The following CNTNAP2 variants were observed in gnomAD, a reference collection of about 807,000 sequenced individuals.
The protein encoded by CNTNAP2 is contactin associated protein 2.
A neutral mutation model predicts 155.2 loss-of-function variants in CNTNAP2; 98 were observed. The observed-to-expected ratio is 0.63, with a 90% CI of 0.54 to 0.75. CNTNAP2 has a LOEUF of 0.75. Ranked by LOEUF, CNTNAP2 falls within the 30% of genes least tolerant of loss-of-function variation. The pLI, the probability that CNTNAP2 is intolerant of heterozygous loss-of-function variation, is 0.00. For synonymous variants in CNTNAP2, 651 were observed against 631.2 expected (o/e 1.03, Z -0.47); for missense variants, 1,727 against 1,688.1 (o/e 1.02, Z -0.40).
intron 13 of CNTNAP2, among the ~76,000 whole-genome samples, chr7:147,730,229 C>A (rs1433453615): frequency 6.6e-6 from 1 of 152,066 alleles, no homozygotes; most frequent in African/African-American, 2.4e-5. Flanking sequence ...TTCAGAAGGG[C>A]AGATAAAATC....
chr7:146,422,085 T>C (rs4726789), intron 1 of CNTNAP2, among the ~76,000 whole-genome samples: 58,690 of 151,150 alleles, frequency 0.39, 12,989 homozygotes, highest in African/African-American at 0.6. Context: ...TTATTTATTA[T>C]TTTTTAAAAT....
chr7:147,197,182 G>A (rs1802821493), intron 8 of CNTNAP2, among the ~76,000 whole-genome samples: 1 of 151,886 alleles, frequency 6.6e-6, no homozygotes, highest in African/African-American at 2.4e-5. Context: ...CCTCTGATTG[G>A]TTGCTTTCCA....
At chr7:147,660,762 C>T (rs1165662750) in intron 13 of CNTNAP2, among the ~76,000 whole-genome samples, 1 of 152,170 alleles carries the variant, frequency 6.6e-6, no homozygotes, top group East Asian at 1.9e-4. Flanking sequence ...ATTTAATCTT[C>T]TACTAAAGAC....
At chr7:146,574,450 C>T (rs1232262359) in intron 1 of CNTNAP2, among the ~76,000 whole-genome samples, 2 of 152,152 alleles carry the variant, frequency 1.3e-5, no homozygotes, top group East Asian at 3.9e-4. Context: ...AGCCTATAAT[C>T]CCAGCACTTT....
intron 11 of CNTNAP2, among the ~76,000 whole-genome samples, chr7:147,507,081 A>C (rs1433324513): frequency 6.6e-6 from 1 of 152,174 alleles, no homozygotes; most frequent in African/African-American, 2.4e-5. Flanking sequence ...TAGACTCTCC[A>C]AAGTAGCAGC....
At chr7:146,579,602 T>C (rs1798579446) in intron 1 of CNTNAP2, among the ~76,000 whole-genome samples, 1 of 152,160 alleles carries the variant, frequency 6.6e-6, no homozygotes, top group African/African-American at 2.4e-5. Flanking sequence ...TGCTGCTGAC[T>C]GCCCGCTAGA....
intron 1 of CNTNAP2, among the ~76,000 whole-genome samples, chr7:146,407,043 T>G (rs1795802014): frequency 6.6e-6 from 1 of 152,194 alleles, no homozygotes; most frequent in South Asian, 2.1e-4. Context: ...CTGTATTGGG[T>G]GCTAAAATAG....
chr7:147,865,569 G>T (rs35154000), intron 13 of CNTNAP2, among the ~76,000 whole-genome samples: 90,259 of 151,810 alleles, frequency 0.59, 27,096 homozygotes, highest in South Asian at 0.7. Context: ...GACTTTTTTT[G>T]ATTGGTAGGC....
intron 11 of CNTNAP2, among the ~76,000 whole-genome samples, chr7:147,526,648 T>C (rs780375772): frequency 6.6e-6 from 1 of 152,200 alleles, no homozygotes; most frequent in Admixed American, 6.5e-5. Context: ...CTGTAGTATA[T>C]AGGTCAACAG....
intron 1 of CNTNAP2, among the ~76,000 whole-genome samples, chr7:146,621,712 C>A (rs763588873): frequency 2.0e-5 from 3 of 152,092 alleles, no homozygotes; most frequent in Admixed American, 6.6e-5. Context: ...ATCTTGATTA[C>A]CTGGCTAAAG....
intron 1 of CNTNAP2, among the ~76,000 whole-genome samples, chr7:146,557,692 G>GCTT (rs1798217551): frequency 6.6e-6 from 1 of 151,232 alleles, no homozygotes; most frequent in Non-Finnish European, 1.5e-5. Flanking sequence ...AGTACCCAGT[G>GCTT]CTTCTTTATT....
intron 3 of CNTNAP2, among the ~76,000 whole-genome samples, chr7:146,926,953 C>T (rs987001471): frequency 6.6e-5 from 10 of 152,048 alleles, no homozygotes; most frequent in South Asian, 2.1e-4. Context: ...CCTTTAACCC[C>T]GAAGCCACAT....
intron 8 of CNTNAP2, among the ~76,000 whole-genome samples, chr7:147,262,948 C>G (rs1804525146): frequency 6.6e-6 from 1 of 152,210 alleles, no homozygotes; most frequent in African/African-American, 2.4e-5. Flanking sequence ...AGCACCCAGT[C>G]TGTGTATTTT....
intron 2 of CNTNAP2, among the ~76,000 whole-genome samples, chr7:146,834,138 G>A (rs1803569583): frequency 1.3e-5 from 2 of 151,606 alleles, no homozygotes; most frequent in Non-Finnish European, 2.9e-5. Flanking sequence ...AGTCTCTGGT[G>A]GTGTTAAAAC....
chr7:148,297,573 G>A (rs1172431415), intron 21 of CNTNAP2, among the ~76,000 whole-genome samples: 1 of 152,170 alleles, frequency 6.6e-6, no homozygotes, highest in East Asian at 1.9e-4. Context: ...TCGGTTTTCA[G>A]TAGGTGATTT....
intron 13 of CNTNAP2, among the ~76,000 whole-genome samples, chr7:147,833,308 T>C (rs1411318695): frequency 6.6e-6 from 1 of 152,066 alleles, no homozygotes; most frequent in African/African-American, 2.4e-5. Context: ...GTTCCATAAT[T>C]AAGGAGCTGC....
intron 3 of CNTNAP2, among the ~76,000 whole-genome samples, chr7:146,843,367 A>T (rs554005459): frequency 1.3e-5 from 2 of 152,184 alleles, no homozygotes; most frequent in Admixed American, 6.5e-5. Flanking sequence ...CTGTCAGGAG[A>T]TCAACAAGCG....
intron 10 of CNTNAP2, among the ~76,000 whole-genome samples, chr7:147,427,552 A>T (rs926962788): frequency 8.5e-5 from 13 of 152,170 alleles, no homozygotes; most frequent in Non-Finnish European, 1.6e-4. Flanking sequence ...AGAGTTTTTG[A>T]ATGTTAAGTC....
chr7:146,128,777 T>G (rs954886704), intron 1 of CNTNAP2, among the ~76,000 whole-genome samples: 3 of 152,136 alleles, frequency 2.0e-5, no homozygotes, highest in African/African-American at 7.2e-5. Flanking sequence ...TATACATTGT[T>G]GTGTTTTGAT....
Sources: gnomAD v4.1 joint callset for allele counts (sites outside exome capture counted in the v4.1 genomes callset) on GRCh38, gnomAD v4.1.1 for gene constraint, MANE v1.5 for transcripts, NCBI Gene and HGNC (gene_info 2026-07-23, HGNC 2026-07-21) for gene names.